The following XRCC6 variants were observed in gnomAD, a reference collection of about 807,000 sequenced individuals.
The protein encoded by XRCC6 is X-ray repair cross complementing 6, also known as DNA repair protein Ku70.
XRCC6 carries 5 observed loss-of-function variants against 65.7 expected under a neutral mutation model. The observed-to-expected ratio is 0.08, with a 90% CI of 0.04 to 0.16. XRCC6 has a LOEUF of 0.16. Ranked by LOEUF, XRCC6 falls within the 10% of genes least tolerant of loss-of-function variation. The probability of loss-of-function intolerance (pLI) is 1.00; values close to 1 mark genes in which losing one functional copy is unlikely to be tolerated. For missense variants in XRCC6, 447 were observed against 738.1 expected, an observed-to-expected ratio of 0.61 and a Z score of 4.57; for synonymous variants, 270 against 270.6, an observed-to-expected ratio of 1.00 and a Z score of 0.02.
At chr22:41,658,435 C>T in intron 11 of XRCC6, 83 bp downstream of exon 11, 1 of 1,293,602 alleles carries the variant, frequency 7.7e-7, no homozygotes, top group Non-Finnish European at 1.1e-6. Flanking sequence ...GGGTGCATTT[C>T]CCAGTCCTCT....
intron 3 of XRCC6, among the ~76,000 whole-genome samples, chr22:41,634,640 G>A (rs1351049164): frequency 1.3e-5 from 2 of 151,904 alleles, no homozygotes; most frequent in East Asian, 3.9e-4. Context: ...CACCTCTTGG[G>A]TTCAAGCGAT....
chr22:41,623,017 C>G (rs980099916), intron 2 of XRCC6, among the ~76,000 whole-genome samples: 8 of 152,020 alleles, frequency 5.3e-5, no homozygotes, highest in Non-Finnish European at 1.0e-4. Flanking sequence ...CACTCTAACA[C>G]AACCACTACC....
intron 6 of XRCC6, among the ~76,000 whole-genome samples, chr22:41,646,105 C>T (rs1465596861): frequency 6.6e-6 from 1 of 151,714 alleles, no homozygotes; most frequent in East Asian, 1.9e-4. Context: ...AGTTCAAGAC[C>T]AGCCTGGCCA....
At chr22:41,634,313 A>C (rs745342920) in intron 3 of XRCC6, among the ~76,000 whole-genome samples, 1 of 151,054 alleles carries the variant, frequency 6.6e-6, no homozygotes, top group Non-Finnish European at 1.5e-5. Flanking sequence ...AGCACCCCTG[A>C]GTAGCTGAGT....
At chr22:41,645,714 T>A (rs1252585351) in intron 6 of XRCC6, among the ~76,000 whole-genome samples, 1 of 150,414 alleles carries the variant, frequency 6.6e-6, no homozygotes, top group African/African-American at 2.5e-5. Context: ...TTTTTTTTTT[T>A]GAGATAGAGT....
chr22:41,657,043 C>CT lies in XRCC6; in HGVS notation c.1421+12dup. ...TCGCTTCACATACAGGTGAGTCAAT[C>CT]TCAGGCTTTCTGGAACTGCCTCCTG... On this transcript the variant is annotated intron_variant, in intron 10 of 12. Transcript: ENST00000360079. 1 of 1,553,492 alleles carries CT rather than the reference C, an allele frequency of 6.4e-7. No homozygotes were observed. Among genetic ancestry groups the CT allele is most frequent in the Non-Finnish European group, 8.6e-7 (1 of 1,156,540 alleles).
chr22:41,659,214 A>G (rs544558813), intron 11 of XRCC6, among the ~76,000 whole-genome samples: 1 of 152,188 alleles, frequency 6.6e-6, no homozygotes, highest in African/African-American at 2.4e-5. Context: ...TTATTGGACC[A>G]TTGTTACTGT....
chr22:41,661,924 T>C (rs2068103468), intron 12 of XRCC6, among the ~76,000 whole-genome samples: 1 of 152,144 alleles, frequency 6.6e-6, no homozygotes, highest in Admixed American at 6.6e-5. Context: ...AAGAATGAGA[T>C]CCTGTCATTT....
In XRCC6 at chr22:41,650,638, T is replaced by A. The variant is rs2067985330; in HGVS notation, c.961-85T>A. The A allele has an allele frequency of 7.6e-6, 11 of 1,447,060 alleles. No individual in the cohort carries two copies. In the South Asian group the frequency reaches 1.3e-4, roughly 17 times the overall value. 89.6% of individuals were successfully genotyped at this position (1,447,060 alleles called of 1,614,324 possible). ...CCTGCTCCTTAGAAGAGAGCTGATT[T>A]TAACTTGCTAGTGTCATCATCTTCG... On this transcript the variant is annotated intron_variant, in intron 7 of 12. Transcript: ENST00000360079.
intron 7 of XRCC6, among the ~76,000 whole-genome samples, chr22:41,650,461 A>G (rs1026408604): frequency 1.3e-5 from 2 of 152,022 alleles, no homozygotes; most frequent in Admixed American, 6.6e-5. Context: ...TGCAGTGGCT[A>G]TTCATAAGCA....
intron 6 of XRCC6, among the ~76,000 whole-genome samples, chr22:41,640,121 G>C (rs1339366237): frequency 6.6e-6 from 1 of 151,886 alleles, no homozygotes. Context: ...GGCTCAGGCA[G>C]TCTTCTGTGG....
intron 6 of XRCC6, among the ~76,000 whole-genome samples, chr22:41,646,552 T>A (rs1449765865): frequency 6.6e-6 from 1 of 152,150 alleles, no homozygotes; most frequent in East Asian, 1.9e-4. Flanking sequence ...GGTTGTTAGA[T>A]TTTTGGGTTG....
At chr22:41,657,681 G>C (rs1204133823) in intron 10 of XRCC6, among the ~76,000 whole-genome samples, 1 of 151,708 alleles carries the variant, frequency 6.6e-6, no homozygotes, top group Non-Finnish European at 1.5e-5. Flanking sequence ...CACCACACCT[G>C]GCTAATTTTT....
intron 11 of XRCC6, among the ~76,000 whole-genome samples, chr22:41,658,744 T>C (rs1390640313): frequency 2.6e-5 from 4 of 152,152 alleles, no homozygotes; most frequent in African/African-American, 9.7e-5. Flanking sequence ...CTCTACTCTG[T>C]CTCTACTAAA....
intron 7 of XRCC6, 85 bp downstream of exon 7, chr22:41,647,167 T>C: frequency 4.1e-6 from 6 of 1,453,340 alleles, no homozygotes; most frequent in Non-Finnish European, 4.7e-6. Flanking sequence ...GGGGCGAACA[T>C]GACTCGCTAC....
At chr22:41,626,328 A>T (rs572599808) in intron 2 of XRCC6, among the ~76,000 whole-genome samples, 2 of 150,464 alleles carry the variant, frequency 1.3e-5, no homozygotes, top group African/African-American at 4.9e-5. Flanking sequence ...TTTTTAGTAG[A>T]GATGGGGTTT....
chr22:41,645,893 G>A (rs549905793), intron 6 of XRCC6, among the ~76,000 whole-genome samples: 1 of 151,726 alleles, frequency 6.6e-6, no homozygotes, highest in African/African-American at 2.4e-5. Flanking sequence ...TAGGGATGGG[G>A]TTTCACCATG....
chr22:41,636,097 G>T lies in XRCC6; in HGVS notation c.196-16G>T. ...ATTTAGTGGTAAGTAAATATTAATTGAATTTTTTTTTTCAGTGTATCCAAA... is the reference window on the plus strand; with the variant it reads ...ATTTAGTGGTAAGTAAATATTAATTTAATTTTTTTTTTCAGTGTATCCAAA... On this transcript the variant is annotated splice_polypyrimidine_tract_variant and intron_variant, in intron 3 of 12. Transcript: ENST00000360079. The T allele has an allele frequency of 6.4e-7, 1 of 1,564,068 alleles. No homozygotes were observed.
intron 3 of XRCC6, among the ~76,000 whole-genome samples, chr22:41,634,546 C>CTT (rs11322023): frequency 8.9e-5 from 11 of 123,476 alleles, no homozygotes; most frequent in South Asian, 2.6e-4. Flanking sequence ...GATGAACTCT[C>CTT]TTTTTTTTTT....
Sources: gnomAD v4.1 joint callset for allele counts (sites outside exome capture counted in the v4.1 genomes callset) on GRCh38, gnomAD v4.1.1 for gene constraint, MANE v1.5 for transcripts, NCBI Gene and HGNC (gene_info 2026-07-23, HGNC 2026-07-21) for gene names.